ATP10D: variants seen among roughly 807,000 people sequenced by gnomAD.
ATP10D encodes ATPase phospholipid transporting 10D (putative), also known as phospholipid-transporting ATPase VD.
In ATP10D, 89 loss-of-function variants were observed where a neutral mutation model predicts 144.8. That is an observed-to-expected ratio of 0.61 (90% CI 0.52 to 0.73). ATP10D has a LOEUF of 0.73. Among genes scored for constraint, ATP10D ranks in the 30% least tolerant of loss-of-function variants. The pLI is 0.00. For missense variants in ATP10D, 1,603 were observed against 1,714.8 expected (o/e 0.93, Z 1.15); for synonymous variants, 571 against 615.1 (o/e 0.93, Z 1.06).
chr4:47,581,975 G>A lies in ATP10D; in HGVS notation c.3664G>A (p.Asp1222Asn), dbSNP rs758828166. The change falls in exon 21 of 23, where the codon GAT becomes AAT. Residue 1222 changes from aspartate to asparagine, a missense_variant. By Grantham distance (23) the Asp-to-Asn change is conservative (BLOSUM62 1). Transcript: ENST00000273859. ...CTCTTTGTAGACCTACCAGGGCTCA[G>A]ATACTGACATCTTTGCATTTGGAAA... The part of the protein sequence containing the change: ...FVPYFTYQGS[D>N]TDIFAFGNPL... 1 of 1,613,822 alleles carries A rather than the reference G, an allele frequency of 6.2e-7. No homozygotes were observed. Among genetic ancestry groups the A allele is most frequent in the South Asian group, 1.1e-5 (1 of 91,074 alleles).
chr4:47,573,081 G>A, intron 18 of ATP10D, 84 bp downstream of exon 18: 1 of 1,491,744 alleles, frequency 6.7e-7, no homozygotes, highest in Non-Finnish European at 9.2e-7. Flanking sequence ...AGTGTCCTAT[G>A]CTAAGCTCAC....
At chr4:47,590,977 G>GGA in intron 22 of ATP10D, 65 bp from the exon 23 acceptor site, 2 of 492,458 alleles carry the variant, frequency 4.1e-6, no homozygotes, top group South Asian at 1.0e-4. Flanking sequence ...GTTAGTATTT[G>GGA]GGGGGGGGGG....
chr4:47,565,670 A>G (rs1719594434), intron 15 of ATP10D, among the ~76,000 whole-genome samples: 1 of 152,210 alleles, frequency 6.6e-6, no homozygotes, highest in African/African-American at 2.4e-5. Context: ...AGTAAGCATT[A>G]AAAAAGAAAA....
intron 5 of ATP10D, among the ~76,000 whole-genome samples, chr4:47,529,123 A>G (rs191616890): frequency 2.6e-5 from 4 of 152,036 alleles, no homozygotes; most frequent in African/African-American, 7.2e-5. Context: ...TTCTTTTGCT[A>G]TGTAGAAGCC....
At chr4:47,518,571 A>G (rs904343171) in intron 3 of ATP10D, among the ~76,000 whole-genome samples, 10 of 152,196 alleles carry the variant, frequency 6.6e-5, no homozygotes, top group Admixed American at 1.3e-4. Flanking sequence ...AGGAATGTAC[A>G]TTATTTTCTG....
chr4:47,515,391 A>G (rs1716577167), intron 2 of ATP10D, 85 bp from the exon 3 acceptor site: 1 of 1,073,480 alleles, frequency 9.3e-7, no homozygotes. Context: ...ATAGAAACTT[A>G]CAGAAAAACA....
intron 14 of ATP10D, among the ~76,000 whole-genome samples, chr4:47,563,151 G>A (rs1719410849): frequency 6.6e-6 from 1 of 152,120 alleles, no homozygotes; most frequent in South Asian, 2.1e-4. Context: ...TGGTTACACT[G>A]AGAGCCCAGA....
At chr4:47,520,830 G>C (rs1462653347) in intron 3 of ATP10D, among the ~76,000 whole-genome samples, 3 of 152,302 alleles carry the variant, frequency 2.0e-5, no homozygotes, top group Middle Eastern at 3.4e-3. Context: ...GCCTCCCAAA[G>C]TGCTGGGATT....
At chr4:47,486,021 T>A (rs1292598143) in intron 1 of ATP10D, among the ~76,000 whole-genome samples, 4 of 152,286 alleles carry the variant, frequency 2.6e-5, no homozygotes, top group African/African-American at 9.6e-5. Context: ...TAAGGTTGAT[T>A]CCCTAAGGTT....
intron 10 of ATP10D, chr4:47,547,500 G>C (rs563670372): frequency 6.6e-6 from 1 of 152,298 alleles, no homozygotes; most frequent in African/African-American, 2.4e-5. Flanking sequence ...AGGGAAAGGT[G>C]CTGTGTGAAA....
At chr4:47,538,702 GT>G (rs1717979099) in intron 9 of ATP10D, among the ~76,000 whole-genome samples, 1 of 152,174 alleles carries the variant, frequency 6.6e-6, no homozygotes, top group African/African-American at 2.4e-5. Flanking sequence ...GCAGAATTCA[GT>G]GTACTGAAGT....
chr4:47,528,670 C>T (rs1198180607), intron 5 of ATP10D, among the ~76,000 whole-genome samples: 2 of 151,786 alleles, frequency 1.3e-5, no homozygotes, highest in Non-Finnish European at 2.9e-5. Flanking sequence ...GGGTAGATAC[C>T]CAGTAGTGGG....
intron 16 of ATP10D, among the ~76,000 whole-genome samples, chr4:47,571,841 T>C (rs1719968544): frequency 6.6e-6 from 1 of 152,178 alleles, no homozygotes; most frequent in African/African-American, 2.4e-5. Context: ...ACAGTGTTGT[T>C]ATCATGTGCG....
intron 1 of ATP10D, among the ~76,000 whole-genome samples, chr4:47,489,418 C>T (rs1714959816): frequency 6.6e-6 from 1 of 151,882 alleles, no homozygotes; most frequent in Non-Finnish European, 1.5e-5. Context: ...GCACAGAACC[C>T]AATTTATTGG....
rs1717829735 is a variant in ATP10D at position 47,536,016 on chromosome 4, G to A, written c.998G>A (p.Cys333Tyr). The change falls in exon 7 of 23, where the codon TGC (cysteine) becomes TAC (tyrosine). Residue 333 changes from cysteine (C) to tyrosine (Y), a missense_variant. Physicochemically the swap from Cys to Tyr is radical, Grantham distance 194 (BLOSUM62 -2). Transcript: ENST00000273859. ...TGTGTCATGCTTCTGGTCATAATGTGCTTAACTGGCGCAGTAGGTAGGTAA... is the reference window on the plus strand; with the variant it reads ...TGTGTCATGCTTCTGGTCATAATGTACTTAACTGGCGCAGTAGGTAGGTAA... ...LWCVMLLVIM[C>Y]LTGAVGHGIW... 6.2e-7 allele frequency: 1 copy of A among 1,610,460 alleles called. No homozygotes were observed. Among genetic ancestry groups the A allele is most frequent in the Admixed American group, 1.7e-5 (1 of 59,372 alleles).
intron 10 of ATP10D, among the ~76,000 whole-genome samples, chr4:47,549,778 C>G (rs1340095609): frequency 6.6e-6 from 1 of 152,172 alleles, no homozygotes; most frequent in Non-Finnish European, 1.5e-5. Flanking sequence ...GGAAGAGCTA[C>G]AACTTGAGTT....
At position 47,576,731 on chromosome 4, in the gene ATP10D, T is replaced by G. The variant is rs1720261933; in HGVS notation, c.3367-42T>G. The G allele has an allele frequency of 2.5e-6, 4 of 1,570,382 alleles. No homozygotes were observed. In the South Asian group the frequency reaches 4.4e-5, roughly 17 times the overall value. On this transcript the variant is annotated intron_variant, in intron 18 of 22. Coordinates refer to ENST00000273859, the MANE Select transcript of ATP10D (RefSeq NM_020453.4). The stretch of plus-strand genomic sequence containing the variant: ...TTGGAATGTGTAATCATAGCACACA[T>G]TACTGATTCTAAGATCTGAATGTCC...
At chr4:47,551,729 G>T (rs1341492890) in intron 10 of ATP10D, among the ~76,000 whole-genome samples, 2 of 152,186 alleles carry the variant, frequency 1.3e-5, no homozygotes, top group African/African-American at 4.8e-5. Flanking sequence ...TTTGAGTCTG[G>T]TTCTGAAGTT....
chr4:47,487,793 A>C lies in ATP10D; in HGVS notation c.-38+2274A>C, dbSNP rs540235601. On this transcript the variant is annotated intron_variant, in intron 1 of 22. Coordinates refer to ENST00000273859, the MANE Select transcript of ATP10D (RefSeq NM_020453.4). ...TGGAATTTTTTTAATGCTACTCAAT[A>C]AAAGGTATATCAATACAACTATTTG... Among the ~76,000 whole-genome samples, 14 of 152,358 alleles carry C rather than the reference A, an allele frequency of 9.2e-5. No homozygotes were observed. The South Asian group carries it at 2.9e-3, about 32-fold the overall frequency.
Sources: gnomAD v4.1 joint callset for allele counts (sites outside exome capture counted in the v4.1 genomes callset) on GRCh38, gnomAD v4.1.1 for gene constraint, MANE v1.5 for transcripts, NCBI Gene and HGNC (gene_info 2026-07-23, HGNC 2026-07-21) for gene names.